The following NEGR1 variants were observed in gnomAD, a reference collection of about 807,000 sequenced individuals.
The protein encoded by NEGR1 is neuronal growth regulator 1, also known as IgLON family member 4.
NEGR1 carries 10 observed loss-of-function variants against 40.9 expected under a neutral mutation model. The ratio of observed to expected loss-of-function variants is 0.24; its 90% CI spans 0.15 to 0.42. NEGR1 has a LOEUF of 0.42. Ranked by LOEUF, NEGR1 falls within the 10% of genes least tolerant of loss-of-function variation. The pLI is 1.00. For synonymous variants in NEGR1, 185 were observed against 166.8 expected (o/e 1.11, Z -0.84); for missense variants, 352 against 438.9 (o/e 0.80, Z 1.77).
chr1:72,108,161 C>T (rs927671891), intron 1 of NEGR1, among the ~76,000 whole-genome samples: 3 of 151,484 alleles, frequency 2.0e-5, no homozygotes, highest in Non-Finnish European at 4.4e-5. Context: ...TAAAAGTCAC[C>T]TTGCACTGTG....
chr1:71,933,200 A>G (rs962819562), intron 2 of NEGR1, among the ~76,000 whole-genome samples: 6 of 152,074 alleles, frequency 3.9e-5, no homozygotes, highest in Non-Finnish European at 7.4e-5. Context: ...ATAGTAAGAC[A>G]TGTAGCAGTT....
At chr1:71,451,333 A>ATTTTTTTTTTTTT (rs35201330) in intron 6 of NEGR1, among the ~76,000 whole-genome samples, 12 of 138,348 alleles carry the variant, frequency 8.7e-5, no homozygotes, top group African/African-American at 3.3e-4. Context: ...AGTGCTACAG[A>ATTTTTTTTTTTTT]TTTTTTTTTT....
intron 2 of NEGR1, among the ~76,000 whole-genome samples, chr1:71,900,636 A>G (rs188100123): frequency 3.3e-5 from 5 of 152,272 alleles, no homozygotes; most frequent in Non-Finnish European, 5.9e-5. Flanking sequence ...GGCTCCAATT[A>G]ACGTAGGAAA....
At chr1:72,047,382 T>A (rs1437455076) in intron 1 of NEGR1, among the ~76,000 whole-genome samples, 2 of 151,596 alleles carry the variant, frequency 1.3e-5, no homozygotes, top group Non-Finnish European at 3.0e-5. Context: ...TCAATTTTAA[T>A]GAGTAACTAT....
At chr1:71,570,105 T>C (rs1648763429) in intron 6 of NEGR1, among the ~76,000 whole-genome samples, 1 of 152,244 alleles carries the variant, frequency 6.6e-6, no homozygotes, top group Admixed American at 6.5e-5. Flanking sequence ...ACCATTTTCT[T>C]ATAATCTGTT....
chr1:71,845,667 AAG>A (rs1438752856), intron 2 of NEGR1, among the ~76,000 whole-genome samples: 7 of 152,180 alleles, frequency 4.6e-5, no homozygotes, highest in African/African-American at 1.7e-4. Context: ...CTGAGGTAGA[AAG>A]AGAGTAAGTT....
chr1:71,890,084 G>C lies in NEGR1; in HGVS notation c.409+44995C>G, dbSNP rs961360465. 3.1e-5 allele frequency among the ~76,000 whole-genome samples: 4 copies of C among 129,592 alleles called. No individual in the cohort carries two copies. In the East Asian group the frequency reaches 9.2e-4, roughly 30 times the overall value. 85.0% of individuals were successfully genotyped at this position (129,592 alleles called of 152,430 possible). A position where few individuals can be genotyped will look rare whatever the true frequency, so the allele number is the denominator to read the frequency against. ...TGAAGGAAGTGCTAAACATGGAAAG[G>C]AACAACCGGTACCAGCCGCTGCAAA... On this transcript the variant is annotated intron_variant, in intron 2 of 6. Transcript: ENST00000357731.
chr1:71,750,226 T>G (rs889853393), intron 3 of NEGR1, among the ~76,000 whole-genome samples: 5 of 151,676 alleles, frequency 3.3e-5, no homozygotes, highest in Non-Finnish European at 4.4e-5. Flanking sequence ...ATCTCCTGAC[T>G]TCATGATCCA....
chr1:71,632,419 T>C (rs1157248745), intron 4 of NEGR1, among the ~76,000 whole-genome samples: 1 of 151,342 alleles, frequency 6.6e-6, no homozygotes, highest in Non-Finnish European at 1.5e-5. Flanking sequence ...ACCTTTAACA[T>C]TACTCTTATG....
intron 1 of NEGR1, among the ~76,000 whole-genome samples, chr1:72,131,823 G>A (rs772900680): frequency 1.1e-4 from 16 of 152,106 alleles, no homozygotes; most frequent in Non-Finnish European, 2.1e-4. Context: ...TTGGCTGAGC[G>A]TGGTGGCTCA....
At chr1:71,854,902 G>A (rs1369072497) in intron 2 of NEGR1, among the ~76,000 whole-genome samples, 1 of 152,048 alleles carries the variant, frequency 6.6e-6, no homozygotes, top group East Asian at 1.9e-4. Flanking sequence ...TGAGATTTGG[G>A]TGAGGACACA....
intron 1 of NEGR1, among the ~76,000 whole-genome samples, chr1:72,152,079 G>A (rs1300309714): frequency 1.3e-5 from 2 of 151,742 alleles, no homozygotes; most frequent in African/African-American, 2.4e-5. Context: ...CACATCCTAC[G>A]CAAGCTTATA....
At chr1:72,249,188 ATG>A (rs71699099) in intron 1 of NEGR1, among the ~76,000 whole-genome samples, 31,324 of 152,002 alleles carry the variant, frequency 0.21, 3,710 homozygotes, top group South Asian at 0.28. Flanking sequence ...CCCTTCCACC[ATG>A]TGAGAACACA....
chr1:71,880,557 T>C (rs1660556172), intron 2 of NEGR1, among the ~76,000 whole-genome samples: 1 of 152,094 alleles, frequency 6.6e-6, no homozygotes, highest in Admixed American at 6.6e-5. Context: ...ACATTTATTT[T>C]TTTTAACTCC....
intron 6 of NEGR1, among the ~76,000 whole-genome samples, chr1:71,510,383 G>T (rs1647064721): frequency 6.6e-6 from 1 of 152,156 alleles, no homozygotes; most frequent in Non-Finnish European, 1.5e-5. Flanking sequence ...TGAGACCAAA[G>T]AAAGTAAATA....
chr1:71,605,988 T>C (rs868815435), intron 5 of NEGR1, among the ~76,000 whole-genome samples: 1 of 152,200 alleles, frequency 6.6e-6, no homozygotes, highest in South Asian at 2.1e-4. Context: ...TCTTTGAAGA[T>C]GGCATCAGAT....
intron 1 of NEGR1, among the ~76,000 whole-genome samples, chr1:72,155,195 G>A (rs1651314365): frequency 6.6e-6 from 1 of 151,754 alleles, no homozygotes; most frequent in Non-Finnish European, 1.5e-5. Flanking sequence ...AAACCACTAC[G>A]ACTTTTATCC....
intron 2 of NEGR1, among the ~76,000 whole-genome samples, chr1:71,820,411 T>G (rs947831078): frequency 3.3e-5 from 5 of 152,002 alleles, no homozygotes; most frequent in African/African-American, 7.2e-5. Flanking sequence ...TACATGATAA[T>G]GATTCCTCCA....
At chr1:71,683,908 T>C (rs1413376481) in intron 4 of NEGR1, among the ~76,000 whole-genome samples, 1 of 152,156 alleles carries the variant, frequency 6.6e-6, no homozygotes, top group Non-Finnish European at 1.5e-5. Flanking sequence ...TTGAGTTCTT[T>C]GTGGTTTGGT....
Sources: gnomAD v4.1 joint callset for allele counts (sites outside exome capture counted in the v4.1 genomes callset) on GRCh38, gnomAD v4.1.1 for gene constraint, MANE v1.5 for transcripts, NCBI Gene and HGNC (gene_info 2026-07-23, HGNC 2026-07-21) for gene names.